OPLAH: variants seen among roughly 807,000 people sequenced by gnomAD.
OPLAH encodes the protein 5-oxoprolinase.
A neutral mutation model predicts 122.8 loss-of-function variants in OPLAH; 103 were observed. That is an observed-to-expected ratio of 0.84 (90% CI 0.71 to 0.99). The LOEUF is 0.99. Ranked by LOEUF, OPLAH falls within the 50% of genes least tolerant of loss-of-function variation. The pLI is 0.00. For synonymous variants in OPLAH, 875 were observed against 796.0 expected (o/e 1.10, Z -1.67); for missense variants, 1,902 against 1,836.5 (o/e 1.04, Z -0.65).
chr8:144,052,454 A>G lies in OPLAH; in HGVS notation c.3298T>C (p.Ser1100Pro), dbSNP rs1554757912. ...CGCCCACCCCGCCCCCGCACCTGGG[A>G]GGCGGCGCAGGCCCCAAAGGCCCCC... ...ILGAFGACAASQGCMNNVTLG... is the reference protein window; with the variant it reads ...ILGAFGACAAPQGCMNNVTLG... The change falls in exon 23 of 27, where the codon TCC becomes CCC. Residue 1100 changes from serine (S) to proline (P), a missense_variant. By Grantham distance (74) the Ser-to-Pro change is moderately conservative. This residue lies in a region of OPLAH where 1,726 missense variants were observed against 1,642.1 expected (regional missense o/e 1.05). Coordinates refer to ENST00000618853, the MANE Select transcript of OPLAH (RefSeq NM_017570.5). 6.5e-7 allele frequency: 1 copy of G among 1,535,692 alleles called. No homozygotes were observed. The highest frequency in any genetic ancestry group is 1.2e-5 in the South Asian group (1 of 84,038).
chr8:144,060,066 A>G lies in OPLAH; in HGVS notation c.-34T>C. 6.3e-7 allele frequency: 1 copy of G among 1,595,626 alleles called. No homozygotes were observed. Among genetic ancestry groups the G allele is most frequent in the African/African-American group, 1.3e-5 (1 of 74,472 alleles). On this transcript the variant is annotated 5_prime_UTR_variant, in exon 2 of 27. Transcript: ENST00000618853. ...GGCTGGAGTCCCACAGGAGCTCTTC[A>G]GCTGGTAGCCCTGGAAAAACTGGAC...
downstream of OPLAH, chr8:144,050,506 C>A (rs1835348559): frequency 1.0e-6 from 1 of 985,400 alleles, no homozygotes. Flanking sequence ...GGAGGCCCGG[C>A]CCCGCCCACC....
At position 144,057,274 on chromosome 8, in the gene OPLAH, C is replaced by T. The variant is rs1554759501; in HGVS notation, c.1469G>A (p.Gly490Glu). The change falls in exon 11 of 27, where the codon GGA becomes GAA. Residue 490 changes from glycine (G) to glutamate (E), a missense_variant. Physicochemically the swap from Gly to Glu is moderately conservative, Grantham distance 98 (BLOSUM62 -2). This residue lies in a region of OPLAH where 1,726 missense variants were observed against 1,642.1 expected (regional missense o/e 1.05). Coordinates refer to ENST00000618853, the MANE Select transcript of OPLAH (RefSeq NM_017570.5). ...PSAHVLACFG[G>E]AGGQHACAIA... ...GGCACATGCATGCTGCCCACCAGCT[C>T]CCCCAAAGCAGGCCAGCACATGGGC... 1 of 1,612,434 alleles carries T rather than the reference C, an allele frequency of 6.2e-7. No homozygotes were observed. Among genetic ancestry groups the T allele is most frequent in the East Asian group, 2.2e-5 (1 of 44,876 alleles).
rs782568024 is a variant in OPLAH, at chr8:144,051,482, C to CGGGGGGGGGGG, written c.3721-11_3721-10insCCCCCCCCCCC. ...GGAGACAGAACACATCCTGTTGGCG[C>CGGGGGGGGGGG]GGGGGGGGGCGGGGAGGCGGGCTCA... is the stretch of plus-strand genomic sequence containing the variant. On this transcript the variant is annotated splice_polypyrimidine_tract_variant and intron_variant, in intron 26 of 26. Transcript: ENST00000618853. 2 of 280,362 alleles carry CGGGGGGGGGGG rather than the reference C, an allele frequency of 7.1e-6. No homozygotes were observed. Among genetic ancestry groups the CGGGGGGGGGGG allele is most frequent in the African/African-American group, 1.9e-4 (2 of 10,526 alleles). 17.4% of individuals were successfully genotyped at this position (280,362 alleles called of 1,614,324 possible).
intron 5 of OPLAH, 38 bp from the exon 6 acceptor site, chr8:144,058,729 G>T: frequency 6.3e-7 from 1 of 1,582,070 alleles, no homozygotes. Flanking sequence ...TCTCCCACCA[G>T]GCCCGGCACC....
At position 144,057,652 on chromosome 8, in the gene OPLAH, G is replaced by A; in HGVS notation, c.1218C>T (p.Phe406=). The change falls in exon 10 of 27, where the codon TTC becomes TTT. Residue 406 remains phenylalanine, a synonymous_variant. Transcript: ENST00000618853. The part of the protein sequence containing the change: ...LVLGRLLPAS[F]PCIFGPGENQ... Reference sequence around the variant, plus strand: ...TCTCTCCCGGCCCAAAAATGCAGGGGAAGGAGGCAGGCAGCAGGCGACCCA... The same window carrying A: ...TCTCTCCCGGCCCAAAAATGCAGGGAAAGGAGGCAGGCAGCAGGCGACCCA... The A allele has an allele frequency of 3.1e-6, 5 of 1,606,418 alleles. No homozygotes were observed. The highest frequency in any genetic ancestry group is 3.4e-6 in the Non-Finnish European group (4 of 1,176,368).
chr8:144,054,722 C>T lies in OPLAH; in HGVS notation c.2525G>A (p.Gly842Asp). ...LTVITPVFWP[G>D]QTRPVFYVAS... ...CACATAGAACACAGGCCGCGTCTGACCCGGCCAAAACACCTAGCGGGTGGA... is the reference window on the plus strand; with the variant it reads ...CACATAGAACACAGGCCGCGTCTGATCCGGCCAAAACACCTAGCGGGTGGA... The change falls in exon 19 of 27, where the codon GGT becomes GAT. Residue 842 changes from glycine (G) to aspartate (D), a missense_variant. Physicochemically the swap from Gly to Asp is moderately conservative, Grantham distance 94. This residue lies in a region of OPLAH where 1,726 missense variants were observed against 1,642.1 expected (regional missense o/e 1.05). Coordinates refer to ENST00000618853, the MANE Select transcript of OPLAH (RefSeq NM_017570.5). 6.2e-7 allele frequency: 1 copy of T among 1,612,348 alleles called. No individual in the cohort carries two copies. Among genetic ancestry groups the T allele is most frequent in the Non-Finnish European group, 8.5e-7 (1 of 1,179,836 alleles).
chr8:144,058,434 G>C, intron 6 of OPLAH, 30 bp from the exon 7 acceptor site: 1 of 1,585,468 alleles, frequency 6.3e-7, no homozygotes, highest in Non-Finnish European at 8.5e-7. Flanking sequence ...GGGCCATGAG[G>C]GGCAGGCCAA....
intron 22 of OPLAH, 35 bp downstream of exon 22, chr8:144,052,720 GTGACCTCGGGC>G: frequency 6.4e-7 from 1 of 1,552,092 alleles, no homozygotes; most frequent in Non-Finnish European, 8.7e-7. Flanking sequence ...CGCACTCAGG[GTGACCTCGGGC>G]TGGGGCCCCC....
chr8:144,062,014 G>A (rs1235026430), upstream of OPLAH, among the ~76,000 whole-genome samples: 1 of 135,670 alleles, frequency 7.4e-6, no homozygotes, highest in Non-Finnish European at 1.6e-5. Context: ...GTGAGACTCC[G>A]TCTCAAAAAA....
upstream of OPLAH, chr8:144,060,755 GC>G (rs1331395842): frequency 6.6e-6 from 1 of 152,190 alleles, no homozygotes; most frequent in Non-Finnish European, 1.5e-5. Context: ...TACAGGGCCC[GC>G]CCCCCGCGCC....
At position 144,054,710 on chromosome 8, in the gene OPLAH, G is replaced by A; in HGVS notation, c.2537C>T (p.Pro846Leu). Residue 846 changes from proline (P) to leucine (L), a missense_variant, in exon 19 of 27, where the codon CCT becomes CTT. Transcript: ENST00000618853. ...CCCTCGGCTGGCCACATAGAACACAGGCCGCGTCTGACCCGGCCAAAACAC... is the reference window on the plus strand; with the variant it reads ...CCCTCGGCTGGCCACATAGAACACAAGCCGCGTCTGACCCGGCCAAAACAC... ...TPVFWPGQTR[P>L]VFYVASRGHH... is the part of the protein sequence containing the mutation. The A allele has an allele frequency of 6.2e-7, 1 of 1,612,422 alleles. No individual in the cohort carries two copies. Among genetic ancestry groups the A allele is most frequent in the Non-Finnish European group, 8.5e-7 (1 of 1,179,834 alleles).
intron 3 of OPLAH, 30 bp from the exon 4 acceptor site, chr8:144,059,109 C>T: frequency 6.5e-7 from 1 of 1,531,412 alleles, no homozygotes; most frequent in South Asian, 1.2e-5. Flanking sequence ...CAGAAGAGGC[C>T]CAGGCCTGAG....
chr8:144,059,463 G>A (rs1835614145), intron 3 of OPLAH, 136 bp downstream of exon 3: 5 of 961,570 alleles, frequency 5.2e-6, no homozygotes, highest in Admixed American at 5.8e-5. Context: ...GTCCCACTGG[G>A]AATTCGGGAG....
rs1321327092 is a variant in OPLAH, at chr8:144,052,041, C to T, written c.3497G>A (p.Arg1166Gln). The change falls in exon 25 of 27, where the codon CGG (arginine) becomes CAG (glutamine). Residue 1166 changes from arginine (R) to glutamine (Q), a missense_variant. Physicochemically the swap from Arg to Gln is conservative, Grantham distance 43 (BLOSUM62 1). This residue lies in a region of OPLAH where 1,726 missense variants were observed against 1,642.1 expected (regional missense o/e 1.05). Coordinates refer to ENST00000618853, the MANE Select transcript of OPLAH (RefSeq NM_017570.5). The part of the protein sequence containing the change: ...PVILRRFELR[R>Q]GSGGRGRFRG... ...GAAGCGGCCTCTGCCCCCCGAGCCCCGCCGCAGCTCGAAGCGGCGCAGGAT... is the reference window on the plus strand; with the variant it reads ...GAAGCGGCCTCTGCCCCCCGAGCCCTGCCGCAGCTCGAAGCGGCGCAGGAT... 2 of 1,589,472 alleles carry T rather than the reference C, an allele frequency of 1.3e-6. No individual in the cohort carries two copies. The highest frequency in any genetic ancestry group is 1.4e-5 in the African/African-American group (1 of 73,670).
At chr8:144,063,273 C>G (rs1587573513), upstream of OPLAH, among the ~76,000 whole-genome samples, 1 of 152,210 alleles carries the variant, frequency 6.6e-6, no homozygotes, top group African/African-American at 2.4e-5. This position sits in a 1 kb window ranked among gnomAD's most constrained non-coding sequence, Gnocchi z 4.2. Flanking sequence ...CATCCCCACA[C>G]GCAATCTGCC....
intron 19 of OPLAH, among the ~76,000 whole-genome samples, chr8:144,053,860 C>A (rs1325959198): frequency 6.7e-6 from 1 of 149,416 alleles, no homozygotes; most frequent in African/African-American, 2.5e-5. Context: ...TCCATCCCCC[C>A]TTCCCTGCAG....
At position 144,057,898 on chromosome 8, in the gene OPLAH, C is replaced by T. The variant is rs1459850152; in HGVS notation, c.1114G>A (p.Glu372Lys). ...FRSGLFVVGPESAGAHPGPAC... is the reference protein window; with the variant it reads ...FRSGLFVVGPKSAGAHPGPAC... Reference sequence around the variant, plus strand: ...GGTCCTGGGTGGGCTCCTGCTGACTCGGGCCCAACCACAAAGAGGCCAGAC... The same window carrying T: ...GGTCCTGGGTGGGCTCCTGCTGACTTGGGCCCAACCACAAAGAGGCCAGAC... Residue 372 changes from glutamate to lysine, a missense_variant, in exon 9 of 27, where the codon GAG (glutamate) becomes AAG (lysine). Physicochemically the swap from Glu to Lys is moderately conservative, Grantham distance 56 (BLOSUM62 1). Coordinates refer to ENST00000618853, the MANE Select transcript of OPLAH (RefSeq NM_017570.5). The T allele has an allele frequency of 6.8e-6, 11 of 1,611,922 alleles. No individual in the cohort carries two copies. The highest frequency in any genetic ancestry group is 5.0e-5 in the Admixed American group (3 of 59,880).
In OPLAH at chr8:144,055,336, G is replaced by C; in HGVS notation, c.2249-147C>G. 1.2e-6 allele frequency: 1 copy of C among 813,104 alleles called. No homozygotes were observed. The highest frequency in any genetic ancestry group is 2.5e-5 in the South Asian group (1 of 39,598). The allele number at this position is 813,104 out of a possible 1,614,324, so 50.4% of individuals were successfully genotyped here. ...TCCTGGGGAAGACCAAGTTGACGGTGTGCCCACTTGGCCACGTCTTAGCCT... is the reference window on the plus strand; with the variant it reads ...TCCTGGGGAAGACCAAGTTGACGGTCTGCCCACTTGGCCACGTCTTAGCCT... On this transcript the variant is annotated intron_variant, in intron 16 of 26. Coordinates refer to ENST00000618853, the MANE Select transcript of OPLAH (RefSeq NM_017570.5). The surrounding 1 kb of genome is among the most constrained non-coding windows in gnomAD (Gnocchi z 6.5).
Sources: allele counts gnomAD v4.1 joint callset (sites outside exome capture counted in the v4.1 genomes callset), GRCh38; gene constraint gnomAD v4.1.1; regional missense constraint gnomAD v4.1.1; non-coding constraint Gnocchi (gnomAD v3.1); transcripts MANE v1.5; gene names NCBI Gene and HGNC (gene_info 2026-07-23, HGNC 2026-07-21).